The following DHRS7C variants were observed in gnomAD, a reference collection of about 807,000 sequenced individuals.
DHRS7C encodes dehydrogenase/reductase SDR family member 7C.
DHRS7C carries 28 observed loss-of-function variants against 29.6 expected under a neutral mutation model. The observed-to-expected ratio is 0.95, with a 90% confidence interval of 0.70 to 1.30. The LOEUF (loss-of-function observed/expected upper bound fraction) is 1.30, where lower values mean the gene tolerates loss of function less well. DHRS7C is among the 50% of genes most tolerant of loss of function. The pLI is 0.00. For synonymous variants in DHRS7C, 158 were observed against 160.2 expected (o/e 0.99, Z 0.10); for missense variants, 403 against 393.3 (o/e 1.02, Z -0.21).
intron 4 of DHRS7C, among the ~76,000 whole-genome samples, chr17:9,773,756 A>C (rs1384490396): frequency 3.6e-5 from 4 of 112,002 alleles, no homozygotes; most frequent in East Asian, 2.7e-4. Context: ...ACGGCGTCTC[A>C]CTCTGTTGCC....
chr17:9,783,153 C>T (rs1483693210), intron 1 of DHRS7C, among the ~76,000 whole-genome samples: 1 of 152,150 alleles, frequency 6.6e-6, no homozygotes, highest in Non-Finnish European at 1.5e-5. Context: ...GGCCTTAAAA[C>T]AGGTGTACTG....
At chr17:9,786,426 C>CT (rs2066424474) in intron 1 of DHRS7C, among the ~76,000 whole-genome samples, 2 of 151,056 alleles carry the variant, frequency 1.3e-5, no homozygotes, top group South Asian at 4.2e-4. Context: ...AGGAAGGACT[C>CT]TCCCCTCTGA....
At chr17:9,787,157 G>A (rs977602863) in intron 1 of DHRS7C, among the ~76,000 whole-genome samples, 1 of 152,174 alleles carries the variant, frequency 6.6e-6, no homozygotes, top group Non-Finnish European at 1.5e-5. Context: ...TGTTGGCCAG[G>A]GTAGTCTCGT....
At position 9,771,628 on chromosome 17, in the gene DHRS7C, G is replaced by A. The variant is rs1247927397; in HGVS notation, c.796C>T (p.Arg266Trp). Residue 266 changes from arginine to tryptophan, a missense_variant, in exon 6 of 6, where the codon CGG becomes TGG. Arg to Trp is a moderately radical substitution (Grantham distance 101). Coordinates refer to ENST00000571134, the MANE Select transcript of DHRS7C (RefSeq NM_001105571.3). Reference protein sequence around the residue: ...EVAEEVMRTVRRKKQEVFMAN... With the variant: ...EVAEEVMRTVWRKKQEVFMAN... ...ATAAACACCTCTTGCTTCTTCCTCC[G>A]CACGGTGCGCATCACCTCCTCCGCC... 3.8e-6 allele frequency: 6 copies of A among 1,598,300 alleles called. No individual in the cohort carries two copies. The highest frequency in any genetic ancestry group is 3.4e-5 in the Admixed American group (2 of 58,312).
At position 9,772,872 on chromosome 17, in the gene DHRS7C, C is replaced by T. The variant is rs1205055918; in HGVS notation, c.622G>A (p.Glu208Lys). Residue 208 changes from glutamate (E) to lysine (K), a missense_variant, in exon 5 of 6, where the codon GAA (glutamate) becomes AAA (lysine). Transcript: ENST00000571134. The stretch of plus-strand genomic sequence containing the variant: ...ATGACAACATCGTATTCCTCCACTT[C>T]GGCTCGGAGGCAGTCAAAGAAGCCC... ...ALGFFDCLRA[E>K]VEEYDVVIST... 6 of 1,613,794 alleles carry T rather than the reference C, an allele frequency of 3.7e-6. No individual in the cohort carries two copies. The African/African-American group carries it at 4.0e-5, about 11-fold the overall frequency.
intron 1 of DHRS7C, among the ~76,000 whole-genome samples, chr17:9,790,010 A>T (rs1471131946): frequency 1.3e-5 from 2 of 152,146 alleles, no homozygotes; most frequent in African/African-American, 4.8e-5. Context: ...TCTTAACAAG[A>T]TGCACCTGGG....
intron 1 of DHRS7C, 143 bp from the exon 2 acceptor site, chr17:9,781,737 T>G: frequency 1.4e-6 from 1 of 704,826 alleles, no homozygotes; most frequent in Non-Finnish European, 2.3e-6. Context: ...TTCATTGAAC[T>G]CCCTCCCCGG....
chr17:9,772,983 C>T (rs901381329), intron 4 of DHRS7C, 61 bp from the exon 5 acceptor site: 1 of 1,587,480 alleles, frequency 6.3e-7, no homozygotes, highest in Non-Finnish European at 8.6e-7. Flanking sequence ...TCCTGGTGGG[C>T]GCATTGGAGG....
rs373514115 is a variant in DHRS7C, at chr17:9,791,157, G to A, written c.128C>T (p.Thr43Ile). Residue 43 changes from threonine to isoleucine, a missense_variant, in exon 1 of 6, where the codon ACC (threonine) becomes ATC (isoleucine). Transcript: ENST00000571134. ...CTTGCCCAGTCCTGAGATGGCATCG[G>A]TGATCACCACCACTTTGTTCTGCAC... The part of the protein sequence containing the change: ...SAVQNKVVVI[T>I]DAISGLGKEC... The A allele has an allele frequency of 1.2e-6, 2 of 1,613,400 alleles. No individual in the cohort carries two copies. Among genetic ancestry groups the A allele is most frequent in the Admixed American group, 3.3e-5 (2 of 59,942 alleles).
intron 1 of DHRS7C, among the ~76,000 whole-genome samples, chr17:9,785,828 T>C (rs2152018315): frequency 1.3e-5 from 2 of 152,188 alleles, no homozygotes; most frequent in East Asian, 3.9e-4. Flanking sequence ...CTCCTTCCAG[T>C]CCCTGAGGCC....
At chr17:9,772,731 G>T (rs1166397224) in intron 5 of DHRS7C, 36 bp downstream of exon 5, 1 of 1,609,830 alleles carries the variant, frequency 6.2e-7, no homozygotes. Context: ...TGTTCCCGAG[G>T]CCCCCAGGGG....
intron 4 of DHRS7C, among the ~76,000 whole-genome samples, chr17:9,776,067 G>A (rs2066360916): frequency 6.6e-6 from 1 of 152,216 alleles, no homozygotes; most frequent in African/African-American, 2.4e-5. Context: ...GCTGGGTGTG[G>A]TGGCGTGTGC....
chr17:9,772,714 A>T, intron 5 of DHRS7C, 53 bp downstream of exon 5: 1 of 1,596,424 alleles, frequency 6.3e-7, no homozygotes, highest in Non-Finnish European at 8.5e-7. Flanking sequence ...CCCCAGTGAC[A>T]CCGGACTGTT....
intron 1 of DHRS7C, 119 bp downstream of exon 1, chr17:9,791,012 G>C: frequency 8.0e-7 from 1 of 1,245,800 alleles, no homozygotes; most frequent in Non-Finnish European, 1.1e-6. Context: ...GAGAACACAG[G>C]ATCGATCCCC....
chr17:9,791,049 G>GCGCCCTGCCGCCCTGC, intron 1 of DHRS7C, 82 bp downstream of exon 1: 1 of 1,498,488 alleles, frequency 6.7e-7, no homozygotes, highest in South Asian at 1.3e-5. Flanking sequence ...TGCCCACACA[G>GCGCCCTGCCGCCCTGC]CGCCCTGCCG....
chr17:9,771,555 G>C lies in DHRS7C; in HGVS notation c.869C>G (p.Pro290Arg), dbSNP rs773226552. The change falls in exon 6 of 6, where the codon CCG becomes CGG. Residue 290 changes from proline to arginine, a missense_variant. Coordinates refer to ENST00000571134, the MANE Select transcript of DHRS7C (RefSeq NM_001105571.3). ...GGCCACCACGGCGAAAAAGAACTCC[G>C]GGAAGAAGGTGCGGACGTACACGGC... is the stretch of plus-strand genomic sequence containing the variant. Reference protein sequence around the residue: ...KAAVYVRTFFPEFFFAVVACG... With the variant: ...KAAVYVRTFFREFFFAVVACG... 2.5e-6 allele frequency: 4 copies of C among 1,590,654 alleles called. No homozygotes were observed. The highest frequency in any genetic ancestry group is 3.4e-6 in the Non-Finnish European group (4 of 1,167,212).
chr17:9,782,270 T>C (rs1439239729), intron 1 of DHRS7C, among the ~76,000 whole-genome samples: 1 of 152,252 alleles, frequency 6.6e-6, no homozygotes, highest in Non-Finnish European at 1.5e-5. Flanking sequence ...GTTCATTTAA[T>C]ACTCACAATA....
At chr17:9,773,759 CTG>C (rs2066345782) in intron 4 of DHRS7C, among the ~76,000 whole-genome samples, 1 of 133,068 alleles carries the variant, frequency 7.5e-6, no homozygotes, top group South Asian at 2.6e-4. Flanking sequence ...GCGTCTCACT[CTG>C]TTGCCCAGGC....
intron 1 of DHRS7C, among the ~76,000 whole-genome samples, chr17:9,782,432 T>G (rs1567702556): frequency 6.6e-6 from 1 of 152,130 alleles, no homozygotes; most frequent in Non-Finnish European, 1.5e-5. Flanking sequence ...GGATGTGGTC[T>G]CAGGAAAGTC....
Sources: gnomAD v4.1 joint callset for allele counts (sites outside exome capture counted in the v4.1 genomes callset) on GRCh38, gnomAD v4.1.1 for gene constraint, MANE v1.5 for transcripts, NCBI Gene and HGNC (gene_info 2026-07-23, HGNC 2026-07-21) for gene names.